The following MTMR1 variants were observed in gnomAD, a reference collection of about 807,000 sequenced individuals.
MTMR1 encodes the protein phosphatidylinositol-3-phosphate phosphatase MTMR1.
Under a neutral mutation model 51.6 loss-of-function variants are expected in MTMR1, and 17 were observed. The observed-to-expected ratio is 0.33, with a 90% CI of 0.23 to 0.49. The LOEUF (loss-of-function observed/expected upper bound fraction) is 0.49. MTMR1 is among the 20% of genes least tolerant of loss of function. The pLI is 0.99. For synonymous variants in MTMR1, 201 were observed against 205.6 expected, an observed-to-expected ratio of 0.98 and a Z score of 0.19; for missense variants, 386 against 526.9, an observed-to-expected ratio of 0.73 and a Z score of 2.62.
At chrX:150,714,594 CTA>C (rs1414283898) in intron 3 of MTMR1, 1 of 809,509 alleles carries the variant, frequency 1.2e-6, no homozygotes, top group East Asian at 8.1e-5. Flanking sequence ...CCATTTCATT[CTA>C]GACTTCTAGA....
At chrX:150,698,680 GCACACACACACACACA>G (rs1214335904) in intron 1 of MTMR1, among the ~76,000 whole-genome samples, 9 of 62,964 alleles carry the variant, frequency 1.4e-4, no homozygotes, top group Non-Finnish European at 2.3e-4. Flanking sequence ...ACACGCGCGC[GCACACACACACACACA>G]CACACACACA....
At chrX:150,740,471 T>C (rs1039079034) in intron 12 of MTMR1, among the ~76,000 whole-genome samples, 1 of 111,760 alleles carries the variant, frequency 8.9e-6, no homozygotes, top group Non-Finnish European at 1.9e-5. Flanking sequence ...GTTCCAGGGA[T>C]GAGTCCTTGG....
chrX:150,720,285 C>T (rs2041703481), intron 4 of MTMR1, among the ~76,000 whole-genome samples: 2 of 111,881 alleles, frequency 1.8e-5, no homozygotes, highest in South Asian at 7.4e-4. Flanking sequence ...TCCCAGTTTT[C>T]GTTTCCTTAT....
chrX:150,736,446 C>T lies in MTMR1; in HGVS notation c.1081-149C>T, dbSNP rs781906330. The T allele has an allele frequency of 3.2e-3, 1,490 of 466,137 alleles. 5 individuals are homozygous for T. The highest frequency in any genetic ancestry group is 4.6e-3 in the Non-Finnish European group (1,335 of 290,407). The allele number at this position is 466,137 out of a possible 1,213,427, so 38.4% of individuals were successfully genotyped here. ...AGCCACTGAGTTTGTGGTTCTTTTT[C>T]CAGCAGCCCTAGGAAACTCATACAA... On this transcript the variant is annotated intron_variant, in intron 10 of 15. Coordinates refer to ENST00000445323, the MANE Select transcript of MTMR1 (RefSeq NM_001306144.3).
At chrX:150,713,109 C>A in intron 3 of MTMR1, 1 of 261,811 alleles carries the variant, frequency 3.8e-6, no homozygotes, top group Non-Finnish European at 5.9e-6. Flanking sequence ...CAAAAATAAG[C>A]AAGCTAAGTC....
rs73622446 is a variant in MTMR1, at chrX:150,725,770, A to C, written c.353-1445A>C. Among the ~76,000 whole-genome samples, 374 of 111,479 alleles carry C rather than the reference A, an allele frequency of 3.4e-3. 1 individual carries two copies. Among genetic ancestry groups the C allele is most frequent in the Middle Eastern group, 0.023 (5 of 218 alleles). The stretch of plus-strand genomic sequence containing the variant: ...GTTATCTTTTAAGGATAATGATAAT[A>C]ATGCCTTAGTCTCCTACAGAAGCAC... On this transcript the variant is annotated intron_variant, in intron 4 of 15. Transcript: ENST00000445323.
chrX:150,703,160 G>A (rs782471759), intron 2 of MTMR1, among the ~76,000 whole-genome samples: 5 of 112,156 alleles, frequency 4.5e-5, no homozygotes, highest in African/African-American at 1.6e-4. Flanking sequence ...ATTAGTAGAA[G>A]TGACATCATT....
Position 150,717,252 on chromosome X carries a change from G to A in MTMR1, c.277-1373G>A, listed in dbSNP as rs112895138. On this transcript the variant is annotated intron_variant, in intron 3 of 15. Transcript: ENST00000445323. Reference sequence around the variant, plus strand: ...TGTGCGCCTGTAGTCCCAGCTACTCGGGAGGCTGAGGCAGGAGAATTGCTT... The same window carrying A: ...TGTGCGCCTGTAGTCCCAGCTACTCAGGAGGCTGAGGCAGGAGAATTGCTT... 4.5e-3 allele frequency among the ~76,000 whole-genome samples: 477 copies of A among 105,642 alleles called. 4 individuals carry two copies. Among genetic ancestry groups the A allele is most frequent in the African/African-American group, 0.015 (439 of 28,868 alleles). 91.7% of individuals were successfully genotyped at this position (105,642 alleles called of 115,157 possible).
rs56341623 is a variant in MTMR1, at chrX:150,760,931, CAAA to C, written c.1858-1619_1858-1617del. 3.6e-3 allele frequency among the ~76,000 whole-genome samples: 271 copies of C among 74,768 alleles called. 2 individuals are homozygous for C. Among genetic ancestry groups the C allele is most frequent in the Middle Eastern group, 0.028 (4 of 144 alleles). The allele number at this position is 74,768 out of a possible 115,157, so 64.9% of individuals were successfully genotyped here. ...GAGAGAGTGAGACTGCATTCCGCCT[CAAA>C]AAAAAAAAAAAAAAGAAAAAGAAAA... On this transcript the variant is annotated intron_variant, in intron 15 of 15. Transcript: ENST00000445323.
At chrX:150,723,324 T>C (rs782073170) in intron 4 of MTMR1, among the ~76,000 whole-genome samples, 114 of 111,431 alleles carry the variant, frequency 1.0e-3, no homozygotes, top group Non-Finnish European at 1.6e-3. Flanking sequence ...AACGTGTGCA[T>C]GTGTCTTTAT....
chrX:150,737,554 G>A (rs782078453), intron 12 of MTMR1, 106 bp downstream of exon 12: 25 of 633,397 alleles, frequency 3.9e-5, no homozygotes, highest in Non-Finnish European at 6.2e-5. Flanking sequence ...ACACGTGCAG[G>A]CTTTCTCTTC....
intron 3 of MTMR1, 121 bp downstream of exon 3, chrX:150,712,486 A>T: frequency 1.5e-6 from 1 of 653,462 alleles, no homozygotes. Flanking sequence ...CACTCAGATC[A>T]ATTTGCTCTG....
chrX:150,722,066 C>T (rs1056636818), intron 4 of MTMR1, among the ~76,000 whole-genome samples: 2 of 111,411 alleles, frequency 1.8e-5, no homozygotes, highest in South Asian at 3.7e-4. Context: ...AAATTTTCTT[C>T]GATTATTGAG....
At chrX:150,700,468 G>A (rs1431561858) in intron 2 of MTMR1, among the ~76,000 whole-genome samples, 2 of 112,458 alleles carry the variant, frequency 1.8e-5, no homozygotes, top group Non-Finnish European at 3.8e-5. Flanking sequence ...TGCCCAGCTA[G>A]AAGAGTGACA....
rs946112768 is a variant in MTMR1, at chrX:150,736,775, A to T, written c.1261A>T (p.Ile421Leu). Residue 421 changes from isoleucine to leucine, a missense_variant, in exon 11 of 16, where the codon ATA (isoleucine) becomes TTA (leucine). Ile to Leu is a conservative substitution (Grantham distance 5). Transcript: ENST00000445323. ...GGATGGGACGCATTGGCTGGAATATATAAGGGTAAAGAGATCCAGCACTTT... is the reference window on the plus strand; with the variant it reads ...GGATGGGACGCATTGGCTGGAATATTTAAGGGTAAAGAGATCCAGCACTTT... ...NVDGTHWLEY[I>L]RMLLAGAVRI... 7 of 1,199,181 alleles carry T rather than the reference A, an allele frequency of 5.8e-6. No individual in the cohort carries two copies. The highest frequency in any genetic ancestry group is 7.9e-6 in the Non-Finnish European group (7 of 888,434).
chrX:150,693,806 C>T (rs1309425497), intron 1 of MTMR1, 130 bp downstream of exon 1: 2 of 365,324 alleles, frequency 5.5e-6, no homozygotes, highest in South Asian at 1.4e-4. Flanking sequence ...CCCTCTTCAT[C>T]CCCTCTGGGC....
At chrX:150,739,295 A>G (rs782362180) in intron 12 of MTMR1, among the ~76,000 whole-genome samples, 6 of 112,734 alleles carry the variant, frequency 5.3e-5, no homozygotes, top group African/African-American at 1.9e-4. Flanking sequence ...AAATGAGTTT[A>G]TATGTGTCAA....
chrX:150,698,122 C>T (rs1433427954), intron 1 of MTMR1, among the ~76,000 whole-genome samples: 1 of 111,058 alleles, frequency 9.0e-6, no homozygotes, highest in Non-Finnish European at 1.9e-5. Context: ...GAAAACCCGT[C>T]TCTACTAAAA....
At chrX:150,752,287 C>CA (rs1490814810) in intron 14 of MTMR1, among the ~76,000 whole-genome samples, 36 of 111,602 alleles carry the variant, frequency 3.2e-4, no homozygotes, top group African/African-American at 1.2e-3. Context: ...CCTACTGTCT[C>CA]ACATCTGGAC....
Sources: gnomAD v4.1 joint callset for allele counts (sites outside exome capture counted in the v4.1 genomes callset) on GRCh38, gnomAD v4.1.1 for gene constraint, MANE v1.5 for transcripts, NCBI Gene and HGNC (gene_info 2026-07-23, HGNC 2026-07-21) for gene names.